The following GRIN2B variants were observed in gnomAD, a reference collection of about 807,000 sequenced individuals.
The protein encoded by GRIN2B is glutamate receptor ionotropic, NMDA 2B.
In GRIN2B, 5 loss-of-function variants were observed where a neutral mutation model predicts 114.5. The observed-to-expected ratio is 0.04, with a 90% CI of 0.02 to 0.09. The LOEUF is 0.09. Among genes scored for constraint, GRIN2B ranks in the 10% least tolerant of loss-of-function variants. The probability of loss-of-function intolerance (pLI) is 1.00; values close to 1 mark genes in which losing one functional copy is unlikely to be tolerated. For synonymous variants in GRIN2B, 787 were observed against 745.1 expected (o/e 1.06, Z -0.92); for missense variants, 1,108 against 1,943.5 (o/e 0.57, Z 8.08).
chr12:13,640,889 A>G (rs1362912681), intron 5 of GRIN2B, among the ~76,000 whole-genome samples: 1 of 152,036 alleles, frequency 6.6e-6, no homozygotes, highest in African/African-American at 2.4e-5. Flanking sequence ...GTTTTTAAAA[A>G]TTTGTGAGCA....
At chr12:13,712,392 A>C (rs1192095956) in intron 4 of GRIN2B, among the ~76,000 whole-genome samples, 2 of 151,420 alleles carry the variant, frequency 1.3e-5, no homozygotes, top group Non-Finnish European at 2.9e-5. Flanking sequence ...AAAACAAATA[A>C]AAATAAAATA....
rs566898546 is a variant in GRIN2B at position 13,600,220 on chromosome 12, T to C, written c.2010+8383A>G. Among the ~76,000 whole-genome samples, 4 of 152,262 alleles carry C rather than the reference T, an allele frequency of 2.6e-5. 1 individual carries two copies. In the South Asian group the frequency reaches 8.3e-4, roughly 32 times the overall value. On this transcript the variant is annotated intron_variant, in intron 10 of 13. Coordinates refer to ENST00000609686, the MANE Select transcript of GRIN2B (RefSeq NM_000834.5). ...CCCTCCCTCCCTTCCTTCCTTCCTC[T>C]TTCCCCTCATACTCTCTCCATCTGT...
chr12:13,865,846 G>A lies in GRIN2B; in HGVS notation c.363C>T (p.Thr121=), dbSNP rs1865817858. 1 of 1,613,880 alleles carries A rather than the reference G, an allele frequency of 6.2e-7. No homozygotes were observed. The highest frequency in any genetic ancestry group is 1.1e-5 in the South Asian group (1 of 91,072). ...ILDFISAQTL[T]PILGIHGGSS... ...AGCCCCCGTGGATGCCCAGGATGGG[G>A]GTGAGAGTCTGTGCTGAAATGAAAT... The change falls in exon 3 of 14, where the codon ACC becomes ACT. Residue 121 remains threonine, a synonymous_variant. Transcript: ENST00000609686.
intron 4 of GRIN2B, among the ~76,000 whole-genome samples, chr12:13,686,968 A>G (rs1423907948): frequency 6.6e-6 from 1 of 152,098 alleles, no homozygotes; most frequent in Non-Finnish European, 1.5e-5. Context: ...CAGTTGTTAA[A>G]AAGAGTCTGG....
chr12:13,571,950 A>G lies in GRIN2B; in HGVS notation c.2025T>C (p.Asn675=). 2.5e-6 allele frequency: 4 copies of G among 1,613,950 alleles called. No individual in the cohort carries two copies. The highest frequency in any genetic ancestry group is 1.7e-5 in the Admixed American group (1 of 60,008). Residue 675 remains asparagine, a synonymous_variant, in exon 11 of 14, where the codon AAT becomes AAC. Transcript: ENST00000609686. ...CAAAGCGGAAAGGGGGTGAGAAGTC[A>G]TTAGGTCTCTGGAACTGGAGAGAGA... The part of the protein sequence containing the change: ...GLSDKKFQRP[N]DFSPPFRFGT...
chr12:13,839,409 A>C (rs7976496), intron 3 of GRIN2B, among the ~76,000 whole-genome samples: 3,548 of 152,338 alleles, frequency 0.023, 153 homozygotes, highest in African/African-American at 0.081. Context: ...AAAGTGGTTC[A>C]ATCAGTGAAA....
At chr12:13,902,565 C>G (rs1453223975) in intron 2 of GRIN2B, among the ~76,000 whole-genome samples, 2 of 152,172 alleles carry the variant, frequency 1.3e-5, no homozygotes, top group Non-Finnish European at 2.9e-5. Context: ...AATCCTAGCA[C>G]TTTGGGAGGC....
intron 12 of GRIN2B, among the ~76,000 whole-genome samples, chr12:13,568,184 T>C (rs1948665452): frequency 6.6e-6 from 1 of 152,172 alleles, no homozygotes; most frequent in African/African-American, 2.4e-5. Context: ...CAATGACCTT[T>C]TTCCACTTCA....
chr12:13,732,634 G>A (rs1863104027), intron 4 of GRIN2B, among the ~76,000 whole-genome samples: 1 of 152,130 alleles, frequency 6.6e-6, no homozygotes, highest in African/African-American at 2.4e-5. Flanking sequence ...TTTGTGTATG[G>A]GGACTTCACT....
rs1948254129 is a variant in GRIN2B at position 13,539,758 on chromosome 12, T to A, written c.*23025A>T. 1 of 152,156 alleles carries A rather than the reference T, an allele frequency of 6.6e-6. No individual in the cohort carries two copies. The highest frequency in any genetic ancestry group is 2.1e-4 in the South Asian group (1 of 4,824). The allele number at this position is 152,156 out of a possible 1,614,324, so 9.4% of individuals were successfully genotyped here. The stretch of plus-strand genomic sequence containing the variant: ...TGTCAAGAAAAAGTTAGAAAGCAAA[T>A]CTTTAGATTTAAAATACATTTGAGA... On this transcript the variant is annotated 3_prime_UTR_variant, in exon 14 of 14. Transcript: ENST00000609686.
intron 2 of GRIN2B, among the ~76,000 whole-genome samples, chr12:13,916,449 G>A (rs1050710430): frequency 3.9e-5 from 6 of 152,044 alleles, no homozygotes; most frequent in African/African-American, 1.4e-4. Flanking sequence ...TAAATGTGTT[G>A]TGTGAATGGT....
At chr12:13,588,962 C>A (rs533253944) in intron 10 of GRIN2B, among the ~76,000 whole-genome samples, 1 of 152,164 alleles carries the variant, frequency 6.6e-6, no homozygotes, top group Non-Finnish European at 1.5e-5. Context: ...TTTTTAAGAA[C>A]GAAGTGTCTG....
rs373716281 is a variant in GRIN2B, at chr12:13,772,359, A to G, written c.412-18444T>C. ...CTTGTCCACTCTGAGTTCTTCCCCA[A>G]TCTGAGGAATGCCACCAGCTTTTTG... On this transcript the variant is annotated intron_variant, in intron 3 of 13. Coordinates refer to ENST00000609686, the MANE Select transcript of GRIN2B (RefSeq NM_000834.5). 1.4e-3 allele frequency among the ~76,000 whole-genome samples: 207 copies of G among 152,168 alleles called. 5 individuals are homozygous for G. The highest frequency in any genetic ancestry group is 4.5e-3 in the African/African-American group (185 of 41,504).
intron 3 of GRIN2B, among the ~76,000 whole-genome samples, chr12:13,760,936 C>G (rs1193834463): frequency 6.6e-6 from 1 of 152,186 alleles, no homozygotes; most frequent in African/African-American, 2.4e-5. Context: ...AGTTCTTTAG[C>G]ATGGCTTTGA....
intron 10 of GRIN2B, among the ~76,000 whole-genome samples, chr12:13,577,765 A>G (rs752906535): frequency 2.6e-5 from 4 of 152,190 alleles, no homozygotes; most frequent in Non-Finnish European, 5.9e-5. Flanking sequence ...CCCAGCATCT[A>G]TTAGGGCAGG....
At chr12:13,918,274 A>T (rs953692183) in intron 2 of GRIN2B, among the ~76,000 whole-genome samples, 4 of 152,220 alleles carry the variant, frequency 2.6e-5, no homozygotes, top group African/African-American at 9.6e-5. Flanking sequence ...GACTTGTGGC[A>T]CATGCCTGCA....
intron 3 of GRIN2B, among the ~76,000 whole-genome samples, chr12:13,754,565 C>T (rs1863544872): frequency 7.8e-6 from 1 of 127,404 alleles, no homozygotes; most frequent in South Asian, 2.3e-4. Flanking sequence ...GAAATTGGAT[C>T]ACTATGTGTT....
At chr12:13,814,646 G>T (rs2136687411) in intron 3 of GRIN2B, among the ~76,000 whole-genome samples, 1 of 152,288 alleles carries the variant, frequency 6.6e-6, no homozygotes, top group Admixed American at 6.5e-5. Context: ...CAGCCTTGCA[G>T]CACTGTCCAA....
At chr12:13,737,863 T>C (rs1007985768) in intron 4 of GRIN2B, among the ~76,000 whole-genome samples, 4 of 152,236 alleles carry the variant, frequency 2.6e-5, no homozygotes, top group Admixed American at 6.5e-5. Context: ...ACGTAAAGTT[T>C]CCAAGTGTTT....
Sources: allele counts gnomAD v4.1 joint callset (sites outside exome capture counted in the v4.1 genomes callset), GRCh38; gene constraint gnomAD v4.1.1; transcripts MANE v1.5; gene names NCBI Gene and HGNC (gene_info 2026-07-23, HGNC 2026-07-21).